Variants in CTDSPL observed in about 807,000 individuals in gnomAD.
CTDSPL encodes CTD small phosphatase like, also known as CTD small phosphatase-like protein.
CTDSPL carries 8 observed loss-of-function variants against 30.5 expected under a neutral mutation model. That is an observed-to-expected ratio of 0.26 (90% confidence interval 0.15 to 0.47). CTDSPL has a LOEUF of 0.47. Among genes scored for constraint, CTDSPL ranks in the 20% least tolerant of loss-of-function variants. The pLI, the probability that CTDSPL is intolerant of heterozygous loss-of-function variation, is 0.99. For missense variants in CTDSPL, 248 were observed against 366.1 expected, an observed-to-expected ratio of 0.68 and a Z score of 2.63; for synonymous variants, 110 against 137.9, an observed-to-expected ratio of 0.80 and a Z score of 1.42.
intron 1 of CTDSPL, among the ~76,000 whole-genome samples, chr3:37,867,017 T>A (rs967575890): frequency 7.2e-5 from 11 of 152,180 alleles, no homozygotes; most frequent in African/African-American, 2.7e-4. Flanking sequence ...TAGTATCACA[T>A]CAGGATGTTG....
At chr3:37,865,531 A>G (rs1559619547) in intron 1 of CTDSPL, among the ~76,000 whole-genome samples, 1 of 152,222 alleles carries the variant, frequency 6.6e-6, no homozygotes, top group East Asian at 1.9e-4. Context: ...TACTGAATCA[A>G]TTAGGAACAC....
Position 37,861,933 on chromosome 3 carries a change from C to A in CTDSPL, c.-267C>A, listed in dbSNP as rs968047684. 4 of 146,300 alleles carry A rather than the reference C, an allele frequency of 2.7e-5. No individual in the cohort carries two copies. The highest frequency in any genetic ancestry group is 1.0e-4 in the African/African-American group (4 of 40,002). 9.1% of individuals were successfully genotyped at this position (146,300 alleles called of 1,614,324 possible). On this transcript the variant is annotated 5_prime_UTR_variant, in exon 1 of 8. Transcript: ENST00000273179. ...TCCAGCGGCGCCGGGCCTCCCGCTC[C>A]GCCTCCCCGTGCGCGGCTCTCCCGG... is the stretch of plus-strand genomic sequence containing the variant.
intron 1 of CTDSPL, among the ~76,000 whole-genome samples, chr3:37,872,204 C>T (rs1315274258): frequency 2.6e-5 from 4 of 151,892 alleles, no homozygotes; most frequent in Non-Finnish European, 4.4e-5. Flanking sequence ...CCTATGTTAC[C>T]CAGGCTTTAA....
chr3:37,895,042 T>G (rs932959142), intron 1 of CTDSPL, among the ~76,000 whole-genome samples: 2 of 152,210 alleles, frequency 1.3e-5, no homozygotes, highest in Non-Finnish European at 2.9e-5. Flanking sequence ...GATTCTCTAT[T>G]GACTGTCTTT....
chr3:37,903,800 T>TC (rs1431655488), intron 1 of CTDSPL, among the ~76,000 whole-genome samples: 1 of 152,098 alleles, frequency 6.6e-6, no homozygotes, highest in Non-Finnish European at 1.5e-5. Context: ...TTTCTACTCT[T>TC]CCCCAGAGAA....
intron 1 of CTDSPL, among the ~76,000 whole-genome samples, chr3:37,863,627 A>G (rs1697972288): frequency 6.6e-6 from 1 of 152,134 alleles, no homozygotes; most frequent in African/African-American, 2.4e-5. Flanking sequence ...GGCTTTGGGG[A>G]TGAGTCAGAT....
At chr3:37,944,435 G>T (rs529377645) in intron 1 of CTDSPL, among the ~76,000 whole-genome samples, 1 of 150,338 alleles carries the variant, frequency 6.7e-6, no homozygotes, top group South Asian at 2.2e-4. Flanking sequence ...ACCAGTTTAT[G>T]AGCAAATCAA....
intron 1 of CTDSPL, among the ~76,000 whole-genome samples, chr3:37,912,156 G>C (rs1158639778): frequency 2.0e-5 from 3 of 152,234 alleles, no homozygotes; most frequent in African/African-American, 7.2e-5. Flanking sequence ...TTTGGAGGGA[G>C]TGAGGGGACC....
At chr3:37,967,940 C>G in intron 5 of CTDSPL, 58 bp downstream of exon 5, 3 of 1,139,794 alleles carry the variant, frequency 2.6e-6, no homozygotes, top group South Asian at 1.4e-5. Flanking sequence ...CTTACATTTC[C>G]TATGAACTTT....
intron 1 of CTDSPL, among the ~76,000 whole-genome samples, chr3:37,864,823 T>C (rs1245994166): frequency 1.3e-5 from 2 of 152,190 alleles, no homozygotes; most frequent in African/African-American, 4.8e-5. Context: ...GGGCCTGGAA[T>C]ATTTTAAATA....
At chr3:37,935,533 T>C (rs2125617191) in intron 1 of CTDSPL, among the ~76,000 whole-genome samples, 2 of 152,342 alleles carry the variant, frequency 1.3e-5, no homozygotes, top group Admixed American at 1.3e-4. Flanking sequence ...CCAGCCCTGC[T>C]ACTTAGAAGC....
At chr3:37,905,182 A>G (rs1428382352) in intron 1 of CTDSPL, among the ~76,000 whole-genome samples, 1 of 152,250 alleles carries the variant, frequency 6.6e-6, no homozygotes, top group Non-Finnish European at 1.5e-5. Context: ...TCATGCTAAT[A>G]TCTACATAAG....
At chr3:37,889,865 G>C (rs1324154619) in intron 1 of CTDSPL, among the ~76,000 whole-genome samples, 1 of 152,194 alleles carries the variant, frequency 6.6e-6, no homozygotes, top group East Asian at 1.9e-4. Flanking sequence ...TGGAGGGTAA[G>C]TTATTTTCCG....
chr3:37,950,686 GA>G (rs1339008076), intron 2 of CTDSPL, among the ~76,000 whole-genome samples: 1 of 152,196 alleles, frequency 6.6e-6, no homozygotes, highest in Non-Finnish European at 1.5e-5. Flanking sequence ...TTCTTGAGCT[GA>G]AAACAAAGCT....
intron 1 of CTDSPL, among the ~76,000 whole-genome samples, chr3:37,923,665 G>T (rs1330133859): frequency 6.6e-6 from 1 of 152,124 alleles, no homozygotes; most frequent in Non-Finnish European, 1.5e-5. Context: ...TACTGTTGTG[G>T]GAATTCAAAT....
At chr3:37,969,128 A>G (rs1368865720) in intron 5 of CTDSPL, among the ~76,000 whole-genome samples, 1 of 152,240 alleles carries the variant, frequency 6.6e-6, no homozygotes, top group African/African-American at 2.4e-5. Flanking sequence ...TGCATTTATC[A>G]TCTTGGCTTG....
At chr3:37,914,012 T>A (rs79902996) in intron 1 of CTDSPL, among the ~76,000 whole-genome samples, 3,027 of 152,326 alleles carry the variant, frequency 0.02, 33 homozygotes, top group Middle Eastern at 0.041. Context: ...GTGGAATCTG[T>A]AGGCGAGTTT....
At chr3:37,912,755 C>T (rs1575294967) in intron 1 of CTDSPL, among the ~76,000 whole-genome samples, 4 of 152,346 alleles carry the variant, frequency 2.6e-5, no homozygotes, top group Middle Eastern at 3.4e-3. Context: ...ATCAGCCACA[C>T]ATTAAGCACT....
chr3:37,866,614 A>G (rs547134567), intron 1 of CTDSPL, among the ~76,000 whole-genome samples: 1 of 152,378 alleles, frequency 6.6e-6, no homozygotes, highest in African/African-American at 2.4e-5. Flanking sequence ...AGTATGCAGT[A>G]TTAGCAAGAA....
Sources: allele counts gnomAD v4.1 joint callset (sites outside exome capture counted in the v4.1 genomes callset), GRCh38; gene constraint gnomAD v4.1.1; transcripts MANE v1.5; gene names NCBI Gene and HGNC (gene_info 2026-07-23, HGNC 2026-07-21).